Variants in FGF14 observed in about 807,000 individuals in gnomAD.
FGF14 encodes the protein fibroblast growth factor homologous factor 4.
Under a neutral mutation model 25.5 loss-of-function variants are expected in FGF14, and 5 were observed. The ratio of observed to expected loss-of-function variants is 0.20; its 90% CI spans 0.10 to 0.41. FGF14 has a LOEUF of 0.41. Ranked by LOEUF, FGF14 falls within the 10% of genes least tolerant of loss-of-function variation. FGF14 has a pLI of 1.00. For synonymous variants in FGF14, 138 were observed against 118.3 expected, an observed-to-expected ratio of 1.17 and a Z score of -1.08; for missense variants, 222 against 320.1, an observed-to-expected ratio of 0.69 and a Z score of 2.34.
intron 4 of FGF14, among the ~76,000 whole-genome samples, chr13:101,724,633 A>ATATATATAT (rs2035269083): frequency 2.7e-5 from 3 of 111,558 alleles, no homozygotes; most frequent in Non-Finnish European, 6.3e-5. Context: ...TATATATATA[A>ATATATATAT]AACAAAGATA....
At chr13:101,821,087 T>C (rs545019775) in intron 3 of FGF14, among the ~76,000 whole-genome samples, 4 of 148,968 alleles carry the variant, frequency 2.7e-5, no homozygotes, top group Admixed American at 6.7e-5. Flanking sequence ...TAGCTGGGAG[T>C]ACAGGCGCCC....
At chr13:102,056,396 C>T (rs1012690144) in intron 1 of FGF14, among the ~76,000 whole-genome samples, 1 of 152,194 alleles carries the variant, frequency 6.6e-6, no homozygotes, top group East Asian at 1.9e-4. Context: ...GTTTTCAGTT[C>T]GTGCCACTAC....
rs954588986 is a variant in FGF14 at position 101,718,870 on chromosome 13, T to C, written c.*3961A>G. On this transcript the variant is annotated 3_prime_UTR_variant, in exon 5 of 5. Transcript: ENST00000376143. ...AAACCCTACTCCATATTCAAGAGAG[T>C]CAACAGGCCCTATGTCACATTGTAG... 1 of 151,568 alleles carries C rather than the reference T, an allele frequency of 6.6e-6. No individual in the cohort carries two copies. The highest frequency in any genetic ancestry group is 6.6e-5 in the Admixed American group (1 of 15,198). The allele number at this position is 151,568 out of a possible 1,614,324, so 9.4% of individuals were successfully genotyped here.
intron 1 of FGF14, among the ~76,000 whole-genome samples, chr13:102,216,427 T>TACATGGAAGGCTCTATGATCACATC (rs1386696365): frequency 2.0e-5 from 3 of 152,196 alleles, no homozygotes; most frequent in African/African-American, 7.2e-5. Flanking sequence ...TAGAGAATGT[T>TACATGGAAGGCTCTATGATCACATC]ACATGGAAGG....
rs2139613057 is a variant in FGF14 at position 101,713,461 on chromosome 13, C to A, written c.*9370G>T. 1 of 152,272 alleles carries A rather than the reference C, an allele frequency of 6.6e-6. No individual in the cohort carries two copies. Among genetic ancestry groups the A allele is most frequent in the South Asian group, 2.1e-4 (1 of 4,826 alleles). 9.4% of individuals were successfully genotyped at this position (152,272 alleles called of 1,614,324 possible). A position where few individuals can be genotyped will look rare whatever the true frequency, so the allele number is the denominator to read the frequency against. On this transcript the variant is annotated 3_prime_UTR_variant, in exon 5 of 5. Transcript: ENST00000376143. ...TTTGACTCAAAAAGAATACAGCCAT[C>A]TTTTAGTAAATGGAAGTCATGTTTG...
chr13:102,162,941 A>G (rs554542795), intron 1 of FGF14, among the ~76,000 whole-genome samples: 2 of 152,324 alleles, frequency 1.3e-5, no homozygotes, highest in East Asian at 3.9e-4. Flanking sequence ...TAGCACCGAC[A>G]CTAAGGGAGA....
chr13:101,811,834 G>A (rs2041527522), intron 3 of FGF14, among the ~76,000 whole-genome samples: 1 of 152,066 alleles, frequency 6.6e-6, no homozygotes, highest in African/African-American at 2.4e-5. Flanking sequence ...ACTGCTGTTT[G>A]AATGAGCCTC....
At chr13:101,957,179 T>C (rs2036566082) in intron 1 of FGF14, among the ~76,000 whole-genome samples, 1 of 152,150 alleles carries the variant, frequency 6.6e-6, no homozygotes, top group African/African-American at 2.4e-5. Context: ...CAAAACAGAA[T>C]ATACAATACA....
At chr13:102,283,290 C>G (rs2053937365) in intron 1 of FGF14, among the ~76,000 whole-genome samples, 1 of 152,140 alleles carries the variant, frequency 6.6e-6, no homozygotes, top group Non-Finnish European at 1.5e-5. Context: ...GGAAATGTAG[C>G]CTTTAGCGAC....
intron 1 of FGF14, among the ~76,000 whole-genome samples, chr13:102,265,666 A>G (rs781161797): frequency 4.6e-5 from 7 of 152,156 alleles, no homozygotes; most frequent in Non-Finnish European, 7.3e-5. Flanking sequence ...TACCCTTAAG[A>G]CTGAGAAAAA....
At chr13:101,872,743 T>G (rs1481447248) in intron 2 of FGF14, among the ~76,000 whole-genome samples, 1 of 152,102 alleles carries the variant, frequency 6.6e-6, no homozygotes, top group East Asian at 1.9e-4. Context: ...ACCCACTGTT[T>G]TTCTTTATTT....
At chr13:101,937,905 G>T (rs979745582) in intron 1 of FGF14, among the ~76,000 whole-genome samples, 1 of 152,074 alleles carries the variant, frequency 6.6e-6, no homozygotes, top group Non-Finnish European at 1.5e-5. Flanking sequence ...GCCCATTTCT[G>T]TTATTTAAGC....
chr13:102,309,135 TACACACACACACAC>T (rs34911009), intron 1 of FGF14, among the ~76,000 whole-genome samples: 3 of 142,458 alleles, frequency 2.1e-5, no homozygotes, highest in Admixed American at 6.9e-5. Flanking sequence ...ATGCATAACA[TACACACACACACAC>T]ACACACACAC....
At chr13:102,248,217 C>A (rs2051982976) in intron 1 of FGF14, among the ~76,000 whole-genome samples, 1 of 152,092 alleles carries the variant, frequency 6.6e-6, no homozygotes, top group Non-Finnish European at 1.5e-5. Flanking sequence ...TTTAACAAAC[C>A]TGCACATGTA....
intron 1 of FGF14, chr13:102,401,434 A>G (rs1208730030): frequency 1.9e-6 from 3 of 1,590,368 alleles, no homozygotes; most frequent in Non-Finnish European, 2.6e-6. Flanking sequence ...ACAGGTTATT[A>G]TGAGGAAAAA....
chr13:101,869,128 CA>C (rs1566348226), intron 2 of FGF14, among the ~76,000 whole-genome samples: 1 of 152,156 alleles, frequency 6.6e-6, no homozygotes, highest in Admixed American at 6.6e-5. Context: ...TCTCTGACAC[CA>C]TTAGATACCA....
chr13:102,302,893 G>A (rs2055147491), intron 1 of FGF14, among the ~76,000 whole-genome samples: 1 of 152,100 alleles, frequency 6.6e-6, no homozygotes, highest in Non-Finnish European at 1.5e-5. Context: ...ACAATAGCCA[G>A]AGTGGTCCTT....
rs1227508353 is a variant in FGF14, at chr13:102,309,445, A to G, written c.208+92026T>C. ...AACCAGCCCTGGGAAGTGCAGTTTT[A>G]TAGTTTCTGGTACTGCAGAGTACCA... On this transcript the variant is annotated intron_variant, in intron 1 of 4. Coordinates refer to the FGF14 transcript ENST00000376131. Among the ~76,000 whole-genome samples the G allele has an allele frequency of 4.6e-5, 7 of 152,168 alleles. No homozygotes were observed. In the East Asian group the frequency reaches 7.7e-4, roughly 17 times the overall value.
chr13:101,953,503 T>C (rs564311820), intron 1 of FGF14, among the ~76,000 whole-genome samples: 1 of 151,974 alleles, frequency 6.6e-6, no homozygotes, highest in South Asian at 2.1e-4. Context: ...AGGTTCTTTC[T>C]ACTGCTTGAA....
Sources: allele counts gnomAD v4.1 joint callset (sites outside exome capture counted in the v4.1 genomes callset), GRCh38; gene constraint gnomAD v4.1.1; transcripts MANE v1.5; gene names NCBI Gene and HGNC (gene_info 2026-07-23, HGNC 2026-07-21).